Variants in MACF1 observed in about 807,000 individuals in gnomAD.
MACF1 encodes the protein microtubule-actin cross-linking factor 1.
Under a neutral mutation model 854.8 loss-of-function variants are expected in MACF1, and 193 were observed. That is an observed-to-expected ratio of 0.23 (90% CI 0.20 to 0.25). MACF1 has a LOEUF of 0.25. MACF1 is among the 10% of genes least tolerant of loss of function. The pLI is 1.00. For missense variants in MACF1, 7,722 were observed against 8,929.1 expected (o/e 0.86, Z 5.45); for synonymous variants, 3,185 against 3,226.7 (o/e 0.99, Z 0.44).
chr1:39,121,947 T>G (rs1642725674), intron 2 of MACF1, among the ~76,000 whole-genome samples: 1 of 152,014 alleles, frequency 6.6e-6, no homozygotes, highest in South Asian at 2.1e-4. Context: ...ACAGGAAAAT[T>G]TTGGATTTGT....
intron 2 of MACF1, among the ~76,000 whole-genome samples, chr1:39,197,563 A>C (rs555464898): frequency 6.6e-6 from 1 of 152,294 alleles, no homozygotes; most frequent in South Asian, 2.1e-4. Flanking sequence ...CACTTTGGGA[A>C]ACGAAAATAT....
Position 39,332,249 on chromosome 1 carries a change from G to A in MACF1, c.5661G>A (p.Lys1887=). The change falls in exon 37 of 101, where the codon AAG becomes AAA. Residue 1887 remains lysine (K), a synonymous_variant. Transcript: ENST00000564288. Reference sequence around the variant, plus strand: ...TCCTTAGTAACCGACAGCATATTAAGGCTCTGTTTCTACCAGCAACCACAG... The same window carrying A: ...TCCTTAGTAACCGACAGCATATTAAAGCTCTGTTTCTACCAGCAACCACAG... The part of the protein sequence containing the change: ...HKILSNRQHI[K]ALFLPATTEI... 6.2e-7 allele frequency: 1 copy of A among 1,613,934 alleles called. No individual in the cohort carries two copies. The highest frequency in any genetic ancestry group is 8.5e-7 in the Non-Finnish European group (1 of 1,180,008).
chr1:39,133,342 G>C (rs1267584496), intron 2 of MACF1, among the ~76,000 whole-genome samples: 1 of 152,216 alleles, frequency 6.6e-6, no homozygotes, highest in East Asian at 1.9e-4. Flanking sequence ...TCTGGAGTGA[G>C]AGCAGAGACC....
chr1:39,296,350 G>A (rs1479068982), intron 20 of MACF1, among the ~76,000 whole-genome samples: 1 of 152,060 alleles, frequency 6.6e-6, no homozygotes, highest in Non-Finnish European at 1.5e-5. Flanking sequence ...TTCAAGGTGA[G>A]GAGAAATAGA....
Position 39,334,976 on chromosome 1 carries a change from T to C in MACF1, c.8388T>C (p.Ala2796=). ...TTCTAGGAAAGGATATGTTAATTGCTTGTAATCAGACTGCTGAAATGAGTT... is the reference window on the plus strand; with the variant it reads ...TTCTAGGAAAGGATATGTTAATTGCCTGTAATCAGACTGCTGAAATGAGTT... ...NEFLGKDMLI[A]CNQTAEMSCN... Residue 2796 remains alanine, a synonymous_variant, in exon 37 of 101, where the codon GCT becomes GCC. Coordinates refer to ENST00000564288, the MANE Select transcript of MACF1 (RefSeq NM_001394062.1). The C allele has an allele frequency of 4.3e-6, 7 of 1,614,184 alleles. No individual in the cohort carries two copies. The highest frequency in any genetic ancestry group is 5.9e-6 in the Non-Finnish European group (7 of 1,180,002).
In MACF1 at chr1:39,248,360, T is replaced by A. The variant is rs183106973; in HGVS notation, c.172-1654T>A. 4.6e-5 allele frequency among the ~76,000 whole-genome samples: 7 copies of A among 152,034 alleles called. No homozygotes were observed. The East Asian group carries it at 1.4e-3, about 29-fold the overall frequency. On this transcript the variant is annotated intron_variant, in intron 2 of 100. Transcript: ENST00000564288. ...AAAGAAACCCCTCATTACAAAAGGG[T>A]CTTGGTTTGTCACTCAGGCTGGAGT... is the stretch of plus-strand genomic sequence containing the variant.
At chr1:39,291,841 A>G (rs762618651) in intron 15 of MACF1, 69 bp from the exon 16 acceptor site, 10 of 1,527,644 alleles carry the variant, frequency 6.5e-6, no homozygotes, top group Admixed American at 5.4e-5. Context: ...TTGTCCTAAC[A>G]TTGGTTCTGA....
chr1:39,420,606 G>A (rs1643496769), intron 58 of MACF1, among the ~76,000 whole-genome samples: 1 of 152,078 alleles, frequency 6.6e-6, no homozygotes, highest in South Asian at 2.1e-4. Flanking sequence ...TCCCTCCCTG[G>A]TAATCTTAGC....
intron 6 of MACF1, chr1:39,269,351 G>T: frequency 1.6e-6 from 2 of 1,289,870 alleles, no homozygotes; most frequent in Non-Finnish European, 2.0e-6. Context: ...AATTTTCAGA[G>T]GGCTGGAGTG....
At chr1:39,411,452 G>C in intron 58 of MACF1, 1 of 1,613,866 alleles carries the variant, frequency 6.2e-7, no homozygotes, top group Non-Finnish European at 8.5e-7. Flanking sequence ...CAGATTTGTT[G>C]CCCTGATGAC....
intron 58 of MACF1, among the ~76,000 whole-genome samples, chr1:39,393,764 A>G (rs1004321395): frequency 6.6e-6 from 1 of 151,426 alleles, no homozygotes; most frequent in Non-Finnish European, 1.5e-5. Flanking sequence ...AGCTGCGTCC[A>G]TGCCACCGCA....
Position 39,333,026 on chromosome 1 carries a change from T to A in MACF1, c.6438T>A (p.Val2146=), listed in dbSNP as rs761945941. 1.9e-6 allele frequency: 3 copies of A among 1,613,952 alleles called. No homozygotes were observed. The African/African-American group carries it at 4.0e-5, about 22-fold the overall frequency. ...PAEAEGVPLV[V]DKDVFSVETP... is the part of the protein sequence containing the mutation. Reference sequence around the variant, plus strand: ...AGGCGGAAGGTGTGCCGTTGGTGGTTGACAAAGATGTTTTTTCTGTTGAAA... The same window carrying A: ...AGGCGGAAGGTGTGCCGTTGGTGGTAGACAAAGATGTTTTTTCTGTTGAAA... The change falls in exon 37 of 101, where the codon GTT becomes GTA. Residue 2146 remains valine (V), a synonymous_variant. Transcript: ENST00000564288.
At chr1:39,303,957 A>G (rs1002914938) in intron 23 of MACF1, among the ~76,000 whole-genome samples, 3 of 151,270 alleles carry the variant, frequency 2.0e-5, no homozygotes, top group Non-Finnish European at 4.4e-5. Context: ...AATTATTTAC[A>G]TGATGAAAGA....
chr1:39,204,197 C>T (rs1362874997), upstream of MACF1: 2 of 152,364 alleles, frequency 1.3e-5, no homozygotes, highest in Admixed American at 1.3e-4. Flanking sequence ...TTGCTTCAAC[C>T]CTAGAGGCGG....
chr1:39,273,139 T>C (rs1645359631), intron 6 of MACF1, among the ~76,000 whole-genome samples: 1 of 133,062 alleles, frequency 7.5e-6, no homozygotes, highest in Admixed American at 7.3e-5. Flanking sequence ...CAATTTTTTT[T>C]TTTTTTTTTT....
chr1:39,287,245 T>C, intron 14 of MACF1, 41 bp from the exon 15 acceptor site: 1 of 1,589,628 alleles, frequency 6.3e-7, no homozygotes, highest in African/African-American at 1.4e-5. Context: ...AACTATACTA[T>C]AGATTTAAAT....
rs1004252213 is a variant in MACF1 at position 39,310,755 on chromosome 1, C to T, written c.3101-76C>T. 5 of 1,393,798 alleles carry T rather than the reference C, an allele frequency of 3.6e-6. No homozygotes were observed. The African/African-American group carries it at 7.2e-5, about 20-fold the overall frequency. The allele number at this position is 1,393,798 out of a possible 1,614,324, so 86.3% of individuals were successfully genotyped here. A position where few individuals can be genotyped will look rare whatever the true frequency, so the allele number is the denominator to read the frequency against. The stretch of plus-strand genomic sequence containing the variant: ...AGAAGATTCCCTAAATAAAGCCTTG[C>T]TTTCATTAGTAGGATATCAGGTCTG... On this transcript the variant is annotated intron_variant, in intron 25 of 100. Transcript: ENST00000564288.
At chr1:39,337,639 T>C (rs1453743762) in intron 38 of MACF1, among the ~76,000 whole-genome samples, 1 of 143,066 alleles carries the variant, frequency 7.0e-6, no homozygotes, top group Admixed American at 7.5e-5. Context: ...TGATCTCGGC[T>C]CACTGCAACC....
At chr1:39,172,299 T>C (rs1643961694) in intron 2 of MACF1, among the ~76,000 whole-genome samples, 1 of 152,224 alleles carries the variant, frequency 6.6e-6, no homozygotes, top group African/African-American at 2.4e-5. Flanking sequence ...CCTTTGGCTG[T>C]AGGAAAGAAT....
Sources: gnomAD v4.1 joint callset for allele counts (sites outside exome capture counted in the v4.1 genomes callset) on GRCh38, gnomAD v4.1.1 for gene constraint, MANE v1.5 for transcripts, NCBI Gene and HGNC (gene_info 2026-07-23, HGNC 2026-07-21) for gene names.